Variants in ASB15 observed in about 807,000 individuals in gnomAD.
ASB15 encodes ankyrin repeat and SOCS box containing 15, also known as ankyrin repeat and SOCS box protein 15.
In ASB15, 54 loss-of-function variants were observed where a neutral mutation model predicts 58.0. That is an observed-to-expected ratio of 0.93 (90% CI 0.75 to 1.17). ASB15 has a LOEUF of 1.17. Ranked by LOEUF, ASB15 falls within the 50% of genes most tolerant of loss-of-function variation. The pLI is 0.00. For missense variants in ASB15, 680 were observed against 707.4 expected (o/e 0.96, Z 0.44); for synonymous variants, 249 against 262.4 (o/e 0.95, Z 0.50).
At chr7:123,603,265 C>T (rs1799974699) in intron 1 of ASB15, among the ~76,000 whole-genome samples, 1 of 152,070 alleles carries the variant, frequency 6.6e-6, no homozygotes, top group African/African-American at 2.4e-5. Context: ...ACACAACAGA[C>T]GTTGAATGTA....
chr7:123,618,138 C>A (rs945626164), intron 7 of ASB15, among the ~76,000 whole-genome samples: 3 of 152,064 alleles, frequency 2.0e-5, no homozygotes, highest in Admixed American at 1.3e-4. Context: ...ACTGATCAGG[C>A]GAACCTGGAA....
chr7:123,606,406 C>T (rs1800150894), intron 2 of ASB15, among the ~76,000 whole-genome samples: 2 of 152,132 alleles, frequency 1.3e-5, no homozygotes, highest in South Asian at 4.1e-4. Context: ...AGATGCTAAG[C>T]TAATTTTCCT....
At chr7:123,588,486 TTA>T (rs979088360) in intron 1 of ASB15, among the ~76,000 whole-genome samples, 95 of 151,762 alleles carry the variant, frequency 6.3e-4, no homozygotes, top group African/African-American at 2.3e-3. Context: ...CTTGTTTGTC[TTA>T]TCTCTATTTC....
intron 1 of ASB15, among the ~76,000 whole-genome samples, chr7:123,572,131 CTTTTTTTTTTTTTTTT>C (rs61198371): frequency 4.2e-5 from 2 of 47,978 alleles, no homozygotes; most frequent in African/African-American, 8.8e-5. Flanking sequence ...TGTAGAATTT[CTTTTTTTTTTTTTTTT>C]TTTTTTTTTT....
At position 123,616,383 on chromosome 7, in the gene ASB15, G is replaced by T. The variant is rs61741418; in HGVS notation, c.180G>T (p.Gln60His). 6.2e-7 allele frequency: 1 copy of T among 1,609,486 alleles called. No individual in the cohort carries two copies. Among genetic ancestry groups the T allele is most frequent in the African/African-American group, 1.3e-5 (1 of 74,844 alleles). The change falls in exon 6 of 12, where the codon CAG becomes CAT. Residue 60 changes from glutamine to histidine, a missense_variant. Physicochemically the swap from Gln to His is conservative, Grantham distance 24. Transcript: ENST00000451215. ...AIKQGHIPELQEYVKYKYAMD... is the reference protein window; with the variant it reads ...AIKQGHIPELHEYVKYKYAMD... Reference sequence around the variant, plus strand: ...ATTTAGGTCACATTCCTGAGCTCCAGGAGTATGTAAAATATAAATATGCAA... The same window carrying T: ...ATTTAGGTCACATTCCTGAGCTCCATGAGTATGTAAAATATAAATATGCAA...
chr7:123,633,281 TG>T (rs1490255631), intron 11 of ASB15, among the ~76,000 whole-genome samples: 7 of 152,088 alleles, frequency 4.6e-5, no homozygotes, highest in Non-Finnish European at 7.4e-5. Flanking sequence ...TATTTATTTT[TG>T]AATATTAGTA....
At chr7:123,609,361 T>C (rs1800318063) in intron 3 of ASB15, among the ~76,000 whole-genome samples, 1 of 152,136 alleles carries the variant, frequency 6.6e-6, no homozygotes, top group Non-Finnish European at 1.5e-5. Flanking sequence ...GGGGCCAGTA[T>C]GTTGCTATCT....
At position 123,619,179 on chromosome 7, in the gene ASB15, CAAAAAAAAAAA is replaced by C. The variant is rs528943780; in HGVS notation, c.451+1456_451+1466del. Among the ~76,000 whole-genome samples, 13 of 55,262 alleles carry C rather than the reference CAAAAAAAAAAA, an allele frequency of 2.4e-4. No homozygotes were observed. The East Asian group carries it at 5.5e-3, about 23-fold the overall frequency. 36.3% of individuals were successfully genotyped at this position (55,262 alleles called of 152,430 possible). A position where few individuals can be genotyped will look rare whatever the true frequency, so the allele number is the denominator to read the frequency against. On this transcript the variant is annotated intron_variant, in intron 7 of 11. Coordinates refer to ENST00000451215, the MANE Select transcript of ASB15 (RefSeq NM_001290258.2). ...TGGACGACAGAGAGAGACGCCGTCTCAAAAAAAAAAAAAAAAAAAAAAAAGAAGTCACATTA... is the reference window on the plus strand; with the variant it reads ...TGGACGACAGAGAGAGACGCCGTCTCAAAAAAAAAAAAAGAAGTCACATTA...
At chr7:123,623,923 A>G (rs1443835993) in intron 7 of ASB15, among the ~76,000 whole-genome samples, 24 of 89,910 alleles carry the variant, frequency 2.7e-4, no homozygotes, top group African/African-American at 6.1e-4. Context: ...AGGAAGGAAG[A>G]AAGAAAGAAA....
chr7:123,617,725 C>G lies in ASB15; in HGVS notation c.439C>G (p.Pro147Ala). 2.5e-6 allele frequency: 4 copies of G among 1,608,816 alleles called. No homozygotes were observed. The highest frequency in any genetic ancestry group is 3.4e-6 in the Non-Finnish European group (4 of 1,177,248). Residue 147 changes from proline to alanine, a missense_variant, in exon 7 of 12, where the codon CCC becomes GCC. Pro to Ala is a conservative substitution (Grantham distance 27). Coordinates refer to ENST00000451215, the MANE Select transcript of ASB15 (RefSeq NM_001290258.2). The part of the protein sequence containing the change: ...PNTKNDKGET[P>A]LLIAVKKGSY... ...CACAAAAAATGATAAAGGAGAGACC[C>G]CCCTTCTGATTGGTAAATGACCTTT...
chr7:123,625,097 G>T, intron 8 of ASB15: 2 of 361,074 alleles, frequency 5.5e-6, no homozygotes, highest in Non-Finnish European at 5.1e-6. Context: ...AGGGCCTCAT[G>T]CTCATCTTCT....
Position 123,574,087 on chromosome 7 carries a change from G to A in ASB15, c.-443+6999G>A, listed in dbSNP as rs377198390. Among the ~76,000 whole-genome samples the A allele has an allele frequency of 3.3e-5, 5 of 152,020 alleles. No individual in the cohort carries two copies. In the East Asian group the frequency reaches 9.6e-4, roughly 29 times the overall value. On this transcript the variant is annotated intron_variant, in intron 1 of 13. Coordinates refer to the ASB15 transcript ENST00000451558. ...GCAGTCTATTTCCACATGATTGTTA[G>A]CCTGTTAAATATCCCCTTTGGAGTG... is the stretch of plus-strand genomic sequence containing the variant.
intron 1 of ASB15, among the ~76,000 whole-genome samples, chr7:123,577,204 T>C (rs77763640): frequency 0.017 from 2,516 of 152,308 alleles, 70 homozygotes; most frequent in African/African-American, 0.057. Context: ...ATTGATATCT[T>C]CCATTGTTGA....
At chr7:123,592,630 T>C (rs566298903) in intron 1 of ASB15, among the ~76,000 whole-genome samples, 1 of 152,324 alleles carries the variant, frequency 6.6e-6, no homozygotes, top group South Asian at 2.1e-4. Flanking sequence ...TCTAATTTGA[T>C]TGCACTGTGG....
intron 1 of ASB15, among the ~76,000 whole-genome samples, chr7:123,584,436 A>G (rs948227030): frequency 8.6e-5 from 13 of 151,920 alleles, no homozygotes; most frequent in African/African-American, 2.7e-4. Flanking sequence ...GGTGATTCCA[A>G]TGCAAGTCAA....
chr7:123,579,904 A>G (rs1437357451), intron 1 of ASB15, among the ~76,000 whole-genome samples: 2 of 152,084 alleles, frequency 1.3e-5, no homozygotes, highest in African/African-American at 2.4e-5. Flanking sequence ...TAGGTTTTCA[A>G]TTTAATTCTC....
At chr7:123,636,733 T>C in intron 11 of ASB15, 76 bp from the exon 12 acceptor site, 3 of 1,254,596 alleles carry the variant, frequency 2.4e-6, no homozygotes, top group Non-Finnish European at 3.4e-6. Context: ...ACTCATGTTA[T>C]TCTGAAACAG....
intron 2 of ASB15, among the ~76,000 whole-genome samples, chr7:123,604,595 T>G (rs892615162): frequency 2.8e-5 from 4 of 142,738 alleles, no homozygotes; most frequent in Admixed American, 7.0e-5. Context: ...AAAAAAAAAA[T>G]GCTGGCTAAA....
chr7:123,598,721 C>T (rs1799780438), upstream of ASB15: 3 of 152,202 alleles, frequency 2.0e-5, no homozygotes, highest in Non-Finnish European at 4.4e-5. Context: ...ACAGGATCTT[C>T]CTCACTGTTT....
Sources: allele counts gnomAD v4.1 joint callset (sites outside exome capture counted in the v4.1 genomes callset), GRCh38; gene constraint gnomAD v4.1.1; transcripts MANE v1.5; gene names NCBI Gene and HGNC (gene_info 2026-07-23, HGNC 2026-07-21).